EYA1: variants seen among roughly 807,000 people sequenced by gnomAD.
The protein encoded by EYA1 is EYA transcriptional coactivator and phosphatase 1.
Under a neutral mutation model 82.0 loss-of-function variants are expected in EYA1, and 16 were observed. That is an observed-to-expected ratio of 0.20 (90% CI 0.13 to 0.30). The LOEUF (loss-of-function observed/expected upper bound fraction) is 0.30. Ranked by LOEUF, EYA1 falls within the 10% of genes least tolerant of loss-of-function variation. The pLI, the probability that EYA1 is intolerant of heterozygous loss-of-function variation, is 1.00. For missense variants in EYA1, 633 were observed against 730.7 expected (o/e 0.87, Z 1.54); for synonymous variants, 261 against 264.4 (o/e 0.99, Z 0.12).
chr8:71,242,143 G>T (rs10957542), intron 12 of EYA1, among the ~76,000 whole-genome samples: 57,890 of 151,970 alleles, frequency 0.38, 12,174 homozygotes, highest in African/African-American at 0.55. Flanking sequence ...GAGGCAGAGG[G>T]TGCAGTGAGC....
chr8:71,453,248 C>T (rs1807545895), intron 2 of EYA1, among the ~76,000 whole-genome samples: 1 of 152,176 alleles, frequency 6.6e-6, no homozygotes, highest in African/African-American at 2.4e-5. Flanking sequence ...AGAACAAAGC[C>T]TCCAATAAAT....
intron 2 of EYA1, among the ~76,000 whole-genome samples, chr8:71,410,798 T>C (rs1168397846): frequency 1.4e-5 from 2 of 147,632 alleles, no homozygotes; most frequent in Non-Finnish European, 3.0e-5. Context: ...AAAATGGCCA[T>C]ACTGCCCAAG....
intron 3 of EYA1, among the ~76,000 whole-genome samples, chr8:71,352,460 G>A (rs1453149893): frequency 6.6e-6 from 1 of 152,132 alleles, no homozygotes; most frequent in Non-Finnish European, 1.5e-5. Flanking sequence ...AGGAGACTGA[G>A]AAACTTCATT....
chr8:71,317,793 A>G lies in EYA1; in HGVS notation c.419-104T>C, dbSNP rs529389437. 5.5e-6 allele frequency: 6 copies of G among 1,087,680 alleles called. No individual in the cohort carries two copies. The East Asian group carries it at 1.2e-4, about 21-fold the overall frequency. The allele number at this position is 1,087,680 out of a possible 1,614,324, so 67.4% of individuals were successfully genotyped here. A position where few individuals can be genotyped will look rare whatever the true frequency, so the allele number is the denominator to read the frequency against. ...CCGTTTAACTACAAATGCTTCCCCA[A>G]TCTTATCTCAAAAATAAAGGGTATA... On this transcript the variant is annotated intron_variant, in intron 6 of 17. Coordinates refer to ENST00000340726, the MANE Select transcript of EYA1 (RefSeq NM_000503.6).
intron 1 of EYA1, among the ~76,000 whole-genome samples, chr8:71,543,461 C>A (rs2129293420): frequency 6.6e-6 from 1 of 152,268 alleles, no homozygotes; most frequent in African/African-American, 2.4e-5. Flanking sequence ...GACTTACATT[C>A]CTAAAATTAT....
At chr8:71,287,795 G>A (rs1028303855) in intron 9 of EYA1, among the ~76,000 whole-genome samples, 1 of 152,216 alleles carries the variant, frequency 6.6e-6, no homozygotes, top group African/African-American at 2.4e-5. Context: ...ACAGTGCCTG[G>A]CATGCAGCAA....
At chr8:71,270,366 T>C (rs1481019738) in intron 10 of EYA1, 1 of 154,168 alleles carries the variant, frequency 6.5e-6, no homozygotes, top group African/African-American at 2.4e-5. Flanking sequence ...CACATTGTTC[T>C]TGCCAGGTTT....
At chr8:71,486,836 T>G (rs539871829) in intron 2 of EYA1, among the ~76,000 whole-genome samples, 2 of 151,860 alleles carry the variant, frequency 1.3e-5, no homozygotes, top group South Asian at 4.2e-4. Context: ...GAATGAATAT[T>G]AGAGATCCCA....
At chr8:71,309,377 T>C (rs1293046288) in intron 7 of EYA1, among the ~76,000 whole-genome samples, 1 of 139,860 alleles carries the variant, frequency 7.2e-6, no homozygotes, top group African/African-American at 2.7e-5. Context: ...AAAAAAAAAA[T>C]CTAGAACATA....
At chr8:71,490,251 G>C (rs1244794708) in intron 2 of EYA1, among the ~76,000 whole-genome samples, 3 of 152,200 alleles carry the variant, frequency 2.0e-5, no homozygotes, top group Admixed American at 2.0e-4. Flanking sequence ...CTTTTGAGAA[G>C]ATGGTTGCCA....
At chr8:71,399,197 G>T (rs1286288792) in intron 2 of EYA1, among the ~76,000 whole-genome samples, 2 of 152,144 alleles carry the variant, frequency 1.3e-5, no homozygotes, top group Non-Finnish European at 2.9e-5. Context: ...GTCTGTCACG[G>T]CTTCCCTTTG....
intron 7 of EYA1, among the ~76,000 whole-genome samples, chr8:71,314,993 T>C (rs1821750280): frequency 6.6e-6 from 1 of 152,182 alleles, no homozygotes; most frequent in Non-Finnish European, 1.5e-5. Context: ...TTTCCCCTTT[T>C]TTATGCACTA....
chr8:71,279,565 T>C (rs1483462508), intron 9 of EYA1, among the ~76,000 whole-genome samples: 1 of 152,172 alleles, frequency 6.6e-6, no homozygotes, highest in African/African-American at 2.4e-5. Flanking sequence ...ATATTTTTGG[T>C]TATGATTTTG....
At chr8:71,398,930 T>C (rs1262146736) in intron 2 of EYA1, among the ~76,000 whole-genome samples, 1 of 152,182 alleles carries the variant, frequency 6.6e-6, no homozygotes, top group African/African-American at 2.4e-5. Flanking sequence ...TCCTTGAGTA[T>C]GGTGGGCTCC....
chr8:71,225,114 G>A (rs921985388), intron 12 of EYA1: 1 of 337,318 alleles, frequency 3.0e-6, no homozygotes, highest in Non-Finnish European at 6.1e-6. Context: ...CTGTAAAGAG[G>A]AGACTGCCCA....
At chr8:71,210,662 A>G (rs1160319818) in intron 17 of EYA1, among the ~76,000 whole-genome samples, 1 of 152,254 alleles carries the variant, frequency 6.6e-6, no homozygotes, top group African/African-American at 2.4e-5. Context: ...GCCCTGAGAG[A>G]GACAGGTAGG....
At chr8:71,435,089 A>G (rs1175024851) in intron 2 of EYA1, among the ~76,000 whole-genome samples, 1 of 152,166 alleles carries the variant, frequency 6.6e-6, no homozygotes, top group Non-Finnish European at 1.5e-5. Context: ...GTCCAGATTT[A>G]TGCTTTCTAT....
intron 2 of EYA1, among the ~76,000 whole-genome samples, chr8:71,460,137 C>G (rs1357820389): frequency 6.6e-6 from 1 of 152,152 alleles, no homozygotes. Flanking sequence ...TCCAGGTGTT[C>G]AATCTAAGAT....
intron 7 of EYA1, among the ~76,000 whole-genome samples, chr8:71,301,080 C>T (rs541810159): frequency 2.4e-4 from 37 of 152,232 alleles, no homozygotes; most frequent in South Asian, 1.7e-3. Context: ...CAGTATAGGC[C>T]ATAAATGTGT....
Sources: gnomAD v4.1 joint callset for allele counts (sites outside exome capture counted in the v4.1 genomes callset) on GRCh38, gnomAD v4.1.1 for gene constraint, MANE v1.5 for transcripts, NCBI Gene and HGNC (gene_info 2026-07-23, HGNC 2026-07-21) for gene names.